The following VPS39 variants were observed in gnomAD, a reference collection of about 807,000 sequenced individuals.
The protein encoded by VPS39 is vam6/Vps39-like protein.
In VPS39, 70 loss-of-function variants were observed where a neutral mutation model predicts 121.0. That is an observed-to-expected ratio of 0.58 (90% CI 0.48 to 0.71). VPS39 has a LOEUF of 0.71. Ranked by LOEUF, VPS39 falls within the 30% of genes least tolerant of loss-of-function variation. The pLI is 0.00. For missense variants in VPS39, 818 were observed against 1,051.5 expected, an observed-to-expected ratio of 0.78 and a Z score of 3.07; for synonymous variants, 378 against 398.1, an observed-to-expected ratio of 0.95 and a Z score of 0.60.
At chr15:42,185,038 C>T (rs1480352152) in intron 7 of VPS39, among the ~76,000 whole-genome samples, 2 of 152,164 alleles carry the variant, frequency 1.3e-5, no homozygotes, top group Non-Finnish European at 2.9e-5. Context: ...TTGCCATATG[C>T]CCCTTAAAGA....
At position 42,159,665 on chromosome 15, in the gene VPS39, C is replaced by G. The variant is rs916366090; in HGVS notation, c.*1089G>C. 6.6e-6 allele frequency: 1 copy of G among 152,386 alleles called. No homozygotes were observed. Among genetic ancestry groups the G allele is most frequent in the East Asian group, 1.9e-4 (1 of 5,204 alleles). The allele number at this position is 152,386 out of a possible 1,614,324, so 9.4% of individuals were successfully genotyped here. A position where few individuals can be genotyped will look rare whatever the true frequency, so the allele number is the denominator to read the frequency against. On this transcript the variant is annotated 3_prime_UTR_variant, in exon 25 of 25. Transcript: ENST00000318006. ...GGTCCACTCATCCCCTGCGTGTTGC[C>G]GGGACCCACCTTCCTGCGCTATCCC...
chr15:42,187,628 A>T, intron 6 of VPS39, 130 bp downstream of exon 6: 1 of 842,176 alleles, frequency 1.2e-6, no homozygotes, highest in Non-Finnish European at 2.0e-6. Flanking sequence ...AGGCATCAAC[A>T]AGCTCTCATG....
chr15:42,191,349 C>A, intron 3 of VPS39, 147 bp downstream of exon 3: 1 of 1,058,482 alleles, frequency 9.4e-7, no homozygotes, highest in Non-Finnish European at 1.4e-6. Flanking sequence ...GGATCTCAGG[C>A]ACATGATATA....
chr15:42,165,435 T>G (rs948363829), intron 17 of VPS39: 1 of 489,496 alleles, frequency 2.0e-6, no homozygotes, highest in Non-Finnish European at 3.6e-6. Flanking sequence ...TGTCCTGTGG[T>G]CACTTTTGAG....
intron 2 of VPS39, 116 bp downstream of exon 2, chr15:42,199,780 C>A: frequency 8.7e-7 from 1 of 1,143,836 alleles, no homozygotes; most frequent in African/African-American, 1.6e-5. Context: ...CATTTTCCCA[C>A]CGTGCTCCCT....
In VPS39 at chr15:42,161,771, G is replaced by C; in HGVS notation, c.2463C>G (p.Val821=). ...KNLLHAEFLR[V]QEERILHQQV... ...GCTGGTGTAAAATCCGCTCTTCCTG[G>C]ACCTGGAAGAACAGGGGGATTGAGG... The change falls in exon 24 of 25, where the codon GTC becomes GTG. Residue 821 remains valine (V), a splice_region_variant and synonymous_variant. Transcript: ENST00000318006. 3 of 1,614,112 alleles carry C rather than the reference G, an allele frequency of 1.9e-6. No individual in the cohort carries two copies. Among genetic ancestry groups the C allele is most frequent in the Non-Finnish European group, 2.5e-6 (3 of 1,180,020 alleles).
chr15:42,178,709 C>T (rs2049510510), intron 8 of VPS39, 139 bp from the exon 9 acceptor site: 3 of 1,244,772 alleles, frequency 2.4e-6, no homozygotes, highest in Non-Finnish European at 3.3e-6. Context: ...GGATCTTACA[C>T]TGTGATTCAG....
chr15:42,177,149 T>G, intron 10 of VPS39, among the ~76,000 whole-genome samples: 1 of 115,148 alleles, frequency 8.7e-6, no homozygotes, highest in Non-Finnish European at 1.6e-5. Context: ...GGTGACAGAG[T>G]GAGACCCTGT....
At chr15:42,198,944 C>A (rs1482678483) in intron 2 of VPS39, among the ~76,000 whole-genome samples, 4 of 152,196 alleles carry the variant, frequency 2.6e-5, no homozygotes, top group Admixed American at 2.6e-4. Context: ...GGTTTCTTTT[C>A]TTACCCTGCT....
At chr15:42,166,448 T>C (rs1015450149) in intron 15 of VPS39, 115 bp downstream of exon 15, 11 of 1,263,730 alleles carry the variant, frequency 8.7e-6, no homozygotes, top group South Asian at 4.0e-5. Flanking sequence ...AGGAATGAAA[T>C]TGAGTGAACA....
At chr15:42,163,302 C>T (rs763172972) in intron 21 of VPS39, 48 bp downstream of exon 21, 42 of 1,611,038 alleles carry the variant, frequency 2.6e-5, no homozygotes, top group African/African-American at 8.0e-5. Flanking sequence ...GTCAAACCAA[C>T]GGGGAGAGGT....
intron 8 of VPS39, chr15:42,178,919 A>G (rs1022405292): frequency 2.0e-5 from 4 of 202,586 alleles, no homozygotes; most frequent in Non-Finnish European, 4.1e-5. Context: ...AGGTGGGAAG[A>G]TCATTTAAGC....
chr15:42,173,642 A>C, intron 11 of VPS39, 81 bp downstream of exon 11: 2 of 1,541,212 alleles, frequency 1.3e-6, no homozygotes, highest in Non-Finnish European at 1.8e-6. Context: ...CATTCTCAGA[A>C]GTCTGTTATC....
intron 1 of VPS39, among the ~76,000 whole-genome samples, chr15:42,202,427 A>G (rs2050086516): frequency 6.6e-6 from 1 of 152,236 alleles, no homozygotes; most frequent in Non-Finnish European, 1.5e-5. Flanking sequence ...ATTTTGCAAT[A>G]TTTGTTTTGT....
chr15:42,166,739 G>T, intron 14 of VPS39, 33 bp downstream of exon 14: 1 of 1,613,456 alleles, frequency 6.2e-7, no homozygotes, highest in Non-Finnish European at 8.5e-7. Context: ...ATGTACAAGA[G>T]CCCCTCCCAG....
At position 42,187,361 on chromosome 15, in the gene VPS39, C is replaced by T. The variant is rs755120013; in HGVS notation, c.444G>A (p.Gly148=). 28 of 1,599,964 alleles carry T rather than the reference C, an allele frequency of 1.8e-5. 1 individual carries two copies. Among genetic ancestry groups the T allele is most frequent in the Non-Finnish European group, 2.3e-5 (27 of 1,176,474 alleles). ...TGGGCACATCTGGCACACTAAAGTC[C>T]CCCTGAAAAAAGAGAGCAAGGATCT... ...WKDREFHELQ[G]DFSVPDVPKS... The change falls in exon 7 of 25, where the codon GGG becomes GGA. Residue 148 remains glycine (G), a splice_region_variant and synonymous_variant. Coordinates refer to ENST00000318006, the MANE Select transcript of VPS39 (RefSeq NM_015289.5).
intron 11 of VPS39, among the ~76,000 whole-genome samples, chr15:42,170,172 A>T (rs183356809): frequency 6.6e-6 from 1 of 152,176 alleles, no homozygotes; most frequent in Admixed American, 6.5e-5. Flanking sequence ...AAAAATGCTG[A>T]TATTGAAGTA....
At chr15:42,165,951 C>A in intron 16 of VPS39, 135 bp from the exon 17 acceptor site, 1 of 935,236 alleles carries the variant, frequency 1.1e-6, no homozygotes. Context: ...AGGCAGTCAG[C>A]ATGTCAGACG....
intron 18 of VPS39, chr15:42,164,740 T>C (rs2049208105): frequency 3.5e-6 from 5 of 1,428,100 alleles, no homozygotes; most frequent in Non-Finnish European, 3.6e-6. Flanking sequence ...ATAGCTGTCA[T>C]CTTGCAGACA....
Sources: allele counts gnomAD v4.1 joint callset (sites outside exome capture counted in the v4.1 genomes callset), GRCh38; gene constraint gnomAD v4.1.1; transcripts MANE v1.5; gene names NCBI Gene and HGNC (gene_info 2026-07-23, HGNC 2026-07-21).